ROBO2: variants seen among roughly 807,000 people sequenced by gnomAD.
ROBO2 encodes roundabout homolog 2.
ROBO2 carries 53 observed loss-of-function variants against 160.8 expected under a neutral mutation model. The ratio of observed to expected loss-of-function variants is 0.33; its 90% confidence interval spans 0.26 to 0.41. The LOEUF (loss-of-function observed/expected upper bound fraction) is 0.41. Among genes scored for constraint, ROBO2 ranks in the 10% least tolerant of loss-of-function variants. The pLI, the probability that ROBO2 is intolerant of heterozygous loss-of-function variation, is 1.00. For missense variants in ROBO2, 1,577 were observed against 1,722.4 expected (o/e 0.92, Z 1.49); for synonymous variants, 664 against 611.7 (o/e 1.09, Z -1.26).
intron 6 of ROBO2, among the ~76,000 whole-genome samples, chr3:77,540,062 A>G (rs2092384333): frequency 6.6e-6 from 1 of 152,196 alleles, no homozygotes; most frequent in Non-Finnish European, 1.5e-5. Context: ...GAGAAGAATA[A>G]TTTGCAAGCA....
At position 76,440,757 on chromosome 3, in the gene ROBO2, T is replaced by C. The variant is rs187098324; in HGVS notation, c.109+503155T>C. Among the ~76,000 whole-genome samples, 931 of 152,192 alleles carry C rather than the reference T, an allele frequency of 6.1e-3. 7 individuals are homozygous for C. The highest frequency in any genetic ancestry group is 9.3e-3 in the Non-Finnish European group (634 of 68,004). On this transcript the variant is annotated intron_variant, in intron 2 of 26. Transcript: ENST00000487694. ...CTAACAAGGGCCAAGTGTGCCTCCA[T>C]ACCAGAACTACATGAGCAGGCAGTC...
intron 2 of ROBO2, among the ~76,000 whole-genome samples, chr3:76,207,044 C>A (rs1010403801): frequency 1.3e-5 from 2 of 152,096 alleles, no homozygotes; most frequent in African/African-American, 4.8e-5. Flanking sequence ...TAATTTGTCA[C>A]AATTCCCTTC....
At chr3:77,356,743 A>G (rs1386471347) in intron 2 of ROBO2, among the ~76,000 whole-genome samples, 3 of 152,130 alleles carry the variant, frequency 2.0e-5, no homozygotes, top group Non-Finnish European at 4.4e-5. Flanking sequence ...ATTCAGGGGG[A>G]GATGGCAAAG....
intron 2 of ROBO2, among the ~76,000 whole-genome samples, chr3:77,239,981 T>A (rs865881297): frequency 6.6e-6 from 1 of 152,124 alleles, no homozygotes; most frequent in Non-Finnish European, 1.5e-5. Flanking sequence ...TAGCTAGAGA[T>A]AAAAGTTCTC....
chr3:76,126,011 G>A (rs1328609279), intron 2 of ROBO2, among the ~76,000 whole-genome samples: 12 of 151,954 alleles, frequency 7.9e-5, no homozygotes, highest in Admixed American at 3.3e-4. Flanking sequence ...ATTTTTAGTA[G>A]AGACGAGGTT....
intron 12 of ROBO2, among the ~76,000 whole-genome samples, chr3:77,566,221 C>T (rs996253850): frequency 1.3e-5 from 2 of 151,904 alleles, no homozygotes; most frequent in Non-Finnish European, 2.9e-5. Flanking sequence ...GACTTTGTAA[C>T]GTTGCTGACA....
chr3:76,114,982 A>G (rs904835863), intron 2 of ROBO2, among the ~76,000 whole-genome samples: 6 of 152,116 alleles, frequency 3.9e-5, no homozygotes, highest in Admixed American at 3.3e-4. Context: ...CTCTCTGTTA[A>G]GTGAGGTTAG....
chr3:75,970,506 T>C (rs1398995689), intron 2 of ROBO2, among the ~76,000 whole-genome samples: 2 of 151,572 alleles, frequency 1.3e-5, no homozygotes, highest in African/African-American at 4.8e-5. Context: ...TGAAATGTTC[T>C]AAACAGTATG....
chr3:77,349,644 C>T (rs960616422), intron 2 of ROBO2, among the ~76,000 whole-genome samples: 6 of 152,108 alleles, frequency 3.9e-5, no homozygotes, highest in African/African-American at 1.4e-4. Flanking sequence ...TACTCCAAAG[C>T]GAAAGTTGGG....
chr3:75,997,879 C>T (rs1341250427), intron 2 of ROBO2, among the ~76,000 whole-genome samples: 1 of 152,108 alleles, frequency 6.6e-6, no homozygotes, highest in Non-Finnish European at 1.5e-5. Flanking sequence ...GTGGAGTCTA[C>T]CCAGTAACCA....
intron 2 of ROBO2, among the ~76,000 whole-genome samples, chr3:76,825,603 C>CAAAAAAAAAAAAAAAAAAAAAAAA (rs201063990): frequency 1.4e-5 from 1 of 72,506 alleles, no homozygotes; most frequent in Non-Finnish European, 2.3e-5. Context: ...TCATCTTAGC[C>CAAAAAAAAAAAAAAAAAAAAAAAA]AAAAAAAAAA....
chr3:77,084,112 A>G (rs948588901), intron 1 of ROBO2, among the ~76,000 whole-genome samples: 16 of 152,230 alleles, frequency 1.1e-4, no homozygotes, highest in Admixed American at 8.5e-4. Context: ...TAGTTTACAT[A>G]AAACTCAAAT....
At chr3:77,526,096 C>G (rs2091127186) in intron 6 of ROBO2, among the ~76,000 whole-genome samples, 2 of 151,462 alleles carry the variant, frequency 1.3e-5, no homozygotes, top group South Asian at 4.1e-4. Context: ...TTTCCTCTGG[C>G]TATAGCAAAC....
intron 2 of ROBO2, among the ~76,000 whole-genome samples, chr3:77,212,315 G>A (rs1459123052): frequency 4.6e-5 from 7 of 152,118 alleles, no homozygotes; most frequent in African/African-American, 1.7e-4. Flanking sequence ...GGATTCCTAA[G>A]TATTTTATTC....
At chr3:76,056,511 A>G (rs1384538296) in intron 2 of ROBO2, among the ~76,000 whole-genome samples, 2 of 152,028 alleles carry the variant, frequency 1.3e-5, no homozygotes, top group Non-Finnish European at 2.9e-5. Flanking sequence ...AAATTGAAGA[A>G]AAAAAACCCA....
chr3:77,082,973 G>A (rs571989365), intron 1 of ROBO2, among the ~76,000 whole-genome samples: 2 of 152,120 alleles, frequency 1.3e-5, no homozygotes, highest in East Asian at 1.9e-4. Context: ...ATCATTTCGG[G>A]ATTCATATCT....
intron 2 of ROBO2, among the ~76,000 whole-genome samples, chr3:77,428,203 C>T (rs189725054): frequency 4.6e-5 from 7 of 151,904 alleles, no homozygotes; most frequent in Admixed American, 3.3e-4. Flanking sequence ...ATATCTTTTC[C>T]CCTTAAAACT....
chr3:76,317,052 TAAG>T (rs1034143684), intron 2 of ROBO2, among the ~76,000 whole-genome samples: 27 of 152,374 alleles, frequency 1.8e-4, no homozygotes, highest in African/African-American at 5.3e-4. Flanking sequence ...TTTACATAGA[TAAG>T]AAGACATCTG....
intron 6 of ROBO2, among the ~76,000 whole-genome samples, chr3:77,543,222 T>A (rs892756018): frequency 6.6e-6 from 1 of 152,194 alleles, no homozygotes; most frequent in African/African-American, 2.4e-5. Context: ...GCCATCTGCA[T>A]TTTTTCTGTT....
Sources: gnomAD v4.1 joint callset for allele counts (sites outside exome capture counted in the v4.1 genomes callset) on GRCh38, gnomAD v4.1.1 for gene constraint, MANE v1.5 for transcripts, NCBI Gene and HGNC (gene_info 2026-07-23, HGNC 2026-07-21) for gene names.